Variants in KRT78 observed in about 807,000 individuals in gnomAD.
KRT78 encodes keratin 78.
In KRT78, 55 loss-of-function variants were observed where a neutral mutation model predicts 51.4. The observed-to-expected ratio is 1.07, with a 90% CI of 0.86 to 1.34. The LOEUF (loss-of-function observed/expected upper bound fraction) is 1.34, where lower values mean the gene tolerates loss of function less well. KRT78 is among the 40% of genes most tolerant of loss of function. KRT78 has a pLI of 0.00. For missense variants in KRT78, 652 were observed against 649.4 expected (o/e 1.00, Z -0.04); for synonymous variants, 291 against 264.3 (o/e 1.10, Z -0.98).
Position 52,839,055 on chromosome 12 carries a change from C to G in KRT78, c.*58G>C. 1 of 1,569,274 alleles carries G rather than the reference C, an allele frequency of 6.4e-7. No individual in the cohort carries two copies. On this transcript the variant is annotated 3_prime_UTR_variant, in exon 9 of 9. Transcript: ENST00000304620. ...CGGACACGGAGTTGGCCTTGCAGAGCCGGCTGATGGGGGGAGTGGGCCAAA... is the reference window on the plus strand; with the variant it reads ...CGGACACGGAGTTGGCCTTGCAGAGGCGGCTGATGGGGGGAGTGGGCCAAA...
intron 6 of KRT78, 30 bp from the exon 7 acceptor site, chr12:52,840,014 G>C (rs370796517): frequency 1.3e-5 from 20 of 1,534,120 alleles, no homozygotes; most frequent in Non-Finnish European, 1.4e-5. Flanking sequence ...GAGCGAGAAG[G>C]TGGTTGTAAG....
In KRT78 at chr12:52,848,008, C is replaced by A; in HGVS notation, c.498G>T (p.Leu166=). 1 of 1,614,194 alleles carries A rather than the reference C, an allele frequency of 6.2e-7. No homozygotes were observed. The highest frequency in any genetic ancestry group is 1.1e-5 in the South Asian group (1 of 91,086). The part of the protein sequence containing the change: ...QGLEPVFEAC[L]DQLRKQLEQL... ...GCTCCAGCTGCTTCCTGAGCTGATCCAGGCAGGCCTCAAAGACAGGCTCCA... is the reference window on the plus strand; with the variant it reads ...GCTCCAGCTGCTTCCTGAGCTGATCAAGGCAGGCCTCAAAGACAGGCTCCA... The change falls in exon 2 of 9, where the codon CTG becomes CTT. Residue 166 remains leucine, a synonymous_variant. Transcript: ENST00000304620.
chr12:52,848,173 A>C, intron 1 of KRT78, 52 bp from the exon 2 acceptor site: 1 of 1,591,718 alleles, frequency 6.3e-7, no homozygotes, highest in Non-Finnish European at 8.6e-7. Context: ...CCCTGTGCAC[A>C]GCCTCTGGAA....
intron 6 of KRT78, among the ~76,000 whole-genome samples, chr12:52,840,840 C>A (rs1433705524): frequency 6.6e-6 from 1 of 152,190 alleles, no homozygotes; most frequent in Non-Finnish European, 1.5e-5. Flanking sequence ...TCAGAGGGAG[C>A]ACGGCCCCGC....
In KRT78 at chr12:52,844,556, C is replaced by A; in HGVS notation, c.921+3G>T. 10 of 1,611,446 alleles carry A rather than the reference C, an allele frequency of 6.2e-6. No homozygotes were observed. Among genetic ancestry groups the A allele is most frequent in the Non-Finnish European group, 8.5e-6 (10 of 1,178,616 alleles). ...CATGGTGCTGCCCCCCAGGTCCCAC[C>A]ACCTTGGTCTGGTACAAGGCCTCAG... On this transcript the variant is annotated splice_donor_region_variant and intron_variant, in intron 5 of 8. Coordinates refer to ENST00000304620, the MANE Select transcript of KRT78 (RefSeq NM_173352.4).
intron 6 of KRT78, among the ~76,000 whole-genome samples, chr12:52,843,008 A>AGGGAGGAAGGAAGGAGGGAG (rs1225549554): frequency 4.0e-5 from 1 of 25,158 alleles, no homozygotes; most frequent in Non-Finnish European, 9.3e-5. Flanking sequence ...GAAGGAAGGA[A>AGGGAGGAAGGAAGGAGGGAG]GGAGGGAGGG....
intron 6 of KRT78, among the ~76,000 whole-genome samples, chr12:52,842,166 T>C (rs1940514318): frequency 7.4e-6 from 1 of 134,650 alleles, no homozygotes; most frequent in Admixed American, 6.9e-5. Flanking sequence ...AGGATGGTTC[T>C]GGATACTCCA....
intron 1 of KRT78, 54 bp from the exon 2 acceptor site, chr12:52,848,175 C>T: frequency 6.3e-7 from 1 of 1,590,746 alleles, no homozygotes; most frequent in Non-Finnish European, 8.6e-7. Flanking sequence ...CTGTGCACAG[C>T]CTCTGGAAAG....
rs1467297408 is a variant in KRT78 at position 52,846,222 on chromosome 12, T to C, written c.731A>G (p.Tyr244Cys). The C allele has an allele frequency of 1.9e-6, 3 of 1,613,682 alleles. No homozygotes were observed. Among genetic ancestry groups the C allele is most frequent in the South Asian group, 2.2e-5 (2 of 91,064 alleles). Residue 244 changes from tyrosine (Y) to cysteine (C), a missense_variant, in exon 4 of 9, where the codon TAC becomes TGC. Tyr to Cys is a radical substitution (Grantham distance 194). Coordinates refer to ENST00000304620, the MANE Select transcript of KRT78 (RefSeq NM_173352.4). ...GKLEALREYL[Y>C]FLKHLNEEEL... ...TTCTTCATTCAGATGCTTCAAGAAG[T>C]AGAGGTACTCTCTCAGAGCCTCCAG... is the stretch of plus-strand genomic sequence containing the variant.
In KRT78 at chr12:52,839,366, A is replaced by G; in HGVS notation, c.1310T>C (p.Val437Ala). The G allele has an allele frequency of 1.9e-6, 3 of 1,613,630 alleles. No homozygotes were observed. The highest frequency in any genetic ancestry group is 2.5e-6 in the Non-Finnish European group (3 of 1,179,800). ...ECTSQVTISS[V>A]GGSAVMSGGV... is the part of the protein sequence containing the mutation. ...TCCAGACATGACAGCGCTGCCTCCCACCGAGGCTGCCAAGAAACGCACCGG... is the reference window on the plus strand; with the variant it reads ...TCCAGACATGACAGCGCTGCCTCCCGCCGAGGCTGCCAAGAAACGCACCGG... Residue 437 changes from valine (V) to alanine (A), a missense_variant, in exon 9 of 9, where the codon GTG becomes GCG. Coordinates refer to ENST00000304620, the MANE Select transcript of KRT78 (RefSeq NM_173352.4).
chr12:52,841,630 T>A (rs1940502896), intron 6 of KRT78, among the ~76,000 whole-genome samples: 2 of 152,182 alleles, frequency 1.3e-5, no homozygotes. Context: ...AGGCTGTTAT[T>A]ATCGATTCCC....
intron 6 of KRT78, among the ~76,000 whole-genome samples, chr12:52,842,034 C>A (rs1456137248): frequency 6.6e-6 from 1 of 152,214 alleles, no homozygotes; most frequent in African/African-American, 2.4e-5. Context: ...TTAATAGCCA[C>A]CCCAGAGGAC....
At chr12:52,842,951 G>A (rs182560003) in intron 6 of KRT78, among the ~76,000 whole-genome samples, 5,693 of 107,730 alleles carry the variant, frequency 0.053, 685 homozygotes, top group African/African-American at 0.25. Context: ...GAGAGAGAGA[G>A]AGAGAGAGAG....
chr12:52,845,200 C>T (rs546400619), intron 4 of KRT78, among the ~76,000 whole-genome samples: 3 of 151,710 alleles, frequency 2.0e-5, no homozygotes, highest in South Asian at 2.1e-4. Context: ...GTTTTTGTAG[C>T]GACAGCGTTT....
At chr12:52,847,285 G>T (rs1329445626) in intron 2 of KRT78, among the ~76,000 whole-genome samples, 1 of 152,146 alleles carries the variant, frequency 6.6e-6, no homozygotes, top group Non-Finnish European at 1.5e-5. Context: ...AAGGGCAGGT[G>T]ACATTTCCCA....
At chr12:52,846,874 T>G (rs369275610) in intron 2 of KRT78, 50 bp from the exon 3 acceptor site, 131 of 1,432,656 alleles carry the variant, frequency 9.1e-5, no homozygotes, top group Non-Finnish European at 1.2e-4. Context: ...CGGTCAGAGC[T>G]CATGCCCCCA....
chr12:52,841,402 G>A (rs968517762), intron 6 of KRT78, among the ~76,000 whole-genome samples: 2 of 151,338 alleles, frequency 1.3e-5, no homozygotes, highest in Non-Finnish European at 2.9e-5. Flanking sequence ...TAGGAGAATC[G>A]CTTGAACCCG....
rs760016932 is a variant in KRT78, at chr12:52,839,778, C to T, written c.1254G>A (p.Glu418=). 17 of 1,614,052 alleles carry T rather than the reference C, an allele frequency of 1.1e-5. 1 individual carries two copies. Among genetic ancestry groups the T allele is most frequent in the Non-Finnish European group, 1.4e-5 (17 of 1,180,026 alleles). Residue 418 remains glutamate (E), a synonymous_variant, in exon 7 of 9, where the codon GAG becomes GAA. Coordinates refer to ENST00000304620, the MANE Select transcript of KRT78 (RefSeq NM_173352.4). ...GCCTCCCTCACCTGCACTCCTCGCCCTCCAGCAGCCTGCGGTAAGTGGCAA... is the reference window on the plus strand; with the variant it reads ...GCCTCCCTCACCTGCACTCCTCGCCTTCCAGCAGCCTGCGGTAAGTGGCAA... ...VEIATYRRLL[E]GEECRMSGEC... is the part of the protein sequence containing the mutation.
rs372854936 is a variant in KRT78 at position 52,847,887 on chromosome 12, G to A, written c.599+20C>T. ...CCCAGACCCCGCCCACATGGCATGG[G>A]GAAATTTCAGTGTGCCTACTTGGAC... On this transcript the variant is annotated intron_variant, in intron 2 of 8. Coordinates refer to ENST00000304620, the MANE Select transcript of KRT78 (RefSeq NM_173352.4). 3 of 1,610,914 alleles carry A rather than the reference G, an allele frequency of 1.9e-6. No homozygotes were observed. The highest frequency in any genetic ancestry group is 2.5e-6 in the Non-Finnish European group (3 of 1,177,290).
Sources: allele counts gnomAD v4.1 joint callset (sites outside exome capture counted in the v4.1 genomes callset), GRCh38; gene constraint gnomAD v4.1.1; transcripts MANE v1.5; gene names NCBI Gene and HGNC (gene_info 2026-07-23, HGNC 2026-07-21).